RABGAP1L: variants seen among roughly 807,000 people sequenced by gnomAD.
RABGAP1L encodes rab GTPase-activating protein 1-like.
Under a neutral mutation model 137.7 loss-of-function variants are expected in RABGAP1L, and 63 were observed. The ratio of observed to expected loss-of-function variants is 0.46; its 90% confidence interval spans 0.37 to 0.56. The LOEUF (loss-of-function observed/expected upper bound fraction) is 0.56, where lower values mean the gene tolerates loss of function less well. RABGAP1L is among the 20% of genes least tolerant of loss of function. The pLI, the probability that RABGAP1L is intolerant of heterozygous loss-of-function variation, is 0.00. For synonymous variants in RABGAP1L, 431 were observed against 433.7 expected (o/e 0.99, Z 0.08); for missense variants, 1,095 against 1,244.0 (o/e 0.88, Z 1.80).
intron 13 of RABGAP1L, among the ~76,000 whole-genome samples, chr1:174,429,381 G>A (rs1652330629): frequency 1.3e-5 from 2 of 151,468 alleles, no homozygotes; most frequent in Non-Finnish European, 2.9e-5. Flanking sequence ...CTAGGTCTAA[G>A]GAAAATCCAT....
chr1:174,532,918 T>C (rs1664551969), intron 13 of RABGAP1L, among the ~76,000 whole-genome samples: 1 of 152,324 alleles, frequency 6.6e-6, no homozygotes, highest in South Asian at 2.1e-4. Context: ...TAAATATCCA[T>C]GTATCCACAA....
chr1:174,735,612 CAAAAAAAAAAAAAA>C (rs59281177), intron 17 of RABGAP1L, among the ~76,000 whole-genome samples: 3 of 46,134 alleles, frequency 6.5e-5, no homozygotes, highest in East Asian at 8.2e-4. Flanking sequence ...AACTCCATCT[CAAAAAAAAAAAAAA>C]AAAAAAAAAA....
chr1:174,457,859 T>A (rs376714830), intron 13 of RABGAP1L, among the ~76,000 whole-genome samples: 8 of 152,156 alleles, frequency 5.3e-5, no homozygotes, highest in East Asian at 3.8e-4. Flanking sequence ...TGTCTTGTGA[T>A]TACAAGTGAA....
intron 19 of RABGAP1L, among the ~76,000 whole-genome samples, chr1:174,916,664 G>A (rs1476818748): frequency 1.3e-5 from 2 of 152,130 alleles, no homozygotes; most frequent in Admixed American, 1.3e-4. Context: ...TGGTGGCTGC[G>A]TTGAAGTCAG....
chr1:174,383,819 A>G (rs929730245), intron 12 of RABGAP1L, among the ~76,000 whole-genome samples: 3 of 151,774 alleles, frequency 2.0e-5, no homozygotes, highest in Non-Finnish European at 2.9e-5. Context: ...CCTCCTCGCA[A>G]CTGCAACTCT....
chr1:174,800,080 C>T (rs766281085), intron 18 of RABGAP1L: 44 of 1,292,924 alleles, frequency 3.4e-5, no homozygotes, highest in Middle Eastern at 3.0e-4. Flanking sequence ...TTCTCGCATT[C>T]GATTGCTTTT....
At chr1:174,237,399 C>T (rs1335351682) in intron 4 of RABGAP1L, among the ~76,000 whole-genome samples, 57 of 70,354 alleles carry the variant, frequency 8.1e-4, no homozygotes, top group Middle Eastern at 4.4e-3. Flanking sequence ...GATTTTGCAG[C>T]GGCTGGTACC....
chr1:174,759,411 A>T (rs1184899740), intron 18 of RABGAP1L, among the ~76,000 whole-genome samples: 1 of 151,928 alleles, frequency 6.6e-6, no homozygotes, highest in African/African-American at 2.4e-5. Context: ...CCTGGCCAAC[A>T]TAGTGAAACC....
At chr1:174,349,916 C>A (rs1571344322) in intron 11 of RABGAP1L, among the ~76,000 whole-genome samples, 1 of 143,598 alleles carries the variant, frequency 7.0e-6, no homozygotes, top group Non-Finnish European at 1.6e-5. Flanking sequence ...GGGCTGACCC[C>A]CCCCCACCTC....
At chr1:174,438,531 A>G (rs912315897) in intron 13 of RABGAP1L, among the ~76,000 whole-genome samples, 19 of 151,708 alleles carry the variant, frequency 1.3e-4, no homozygotes, top group African/African-American at 4.1e-4. Context: ...CAGCCTGGTC[A>G]ACATAGTGAA....
intron 13 of RABGAP1L, among the ~76,000 whole-genome samples, chr1:174,554,074 G>A (rs890802463): frequency 6.6e-6 from 1 of 152,080 alleles, no homozygotes; most frequent in Non-Finnish European, 1.5e-5. Flanking sequence ...CAACTTTAAT[G>A]GCAACCTCAA....
At chr1:174,653,127 T>C (rs1238452445) in intron 14 of RABGAP1L, among the ~76,000 whole-genome samples, 1 of 152,118 alleles carries the variant, frequency 6.6e-6, no homozygotes, top group Non-Finnish European at 1.5e-5. Flanking sequence ...CCAGCCTCAG[T>C]AATGGTGGAC....
chr1:174,355,178 G>A (rs1043363369), intron 11 of RABGAP1L, among the ~76,000 whole-genome samples: 9 of 152,032 alleles, frequency 5.9e-5, no homozygotes, highest in Non-Finnish European at 8.8e-5. Context: ...GTTTATTGCG[G>A]CACTATTCAC....
intron 11 of RABGAP1L, among the ~76,000 whole-genome samples, chr1:174,369,814 A>G (rs914093598): frequency 6.6e-5 from 10 of 152,268 alleles, no homozygotes; most frequent in African/African-American, 2.4e-4. Flanking sequence ...TAACAGAATG[A>G]TGTTCACTTT....
chr1:174,833,392 G>GTA (rs1558126963), intron 19 of RABGAP1L, among the ~76,000 whole-genome samples: 100 of 58,000 alleles, frequency 1.7e-3, no homozygotes, highest in South Asian at 2.4e-3. Flanking sequence ...GTGTGTGTGT[G>GTA]TGTGTGTGTA....
chr1:174,699,155 G>A (rs1202798788), intron 15 of RABGAP1L, among the ~76,000 whole-genome samples: 2 of 151,872 alleles, frequency 1.3e-5, no homozygotes, highest in East Asian at 1.9e-4. Flanking sequence ...GCCACACTCG[G>A]CTAATTTTTT....
chr1:174,393,929 T>C, intron 12 of RABGAP1L, 66 bp from the exon 13 acceptor site: 1 of 1,546,602 alleles, frequency 6.5e-7, no homozygotes, highest in Admixed American at 1.9e-5. Context: ...TAGTATACTT[T>C]TCATGGCAAC....
chr1:174,917,898 A>G (rs1354364548), intron 19 of RABGAP1L, among the ~76,000 whole-genome samples: 1 of 148,558 alleles, frequency 6.7e-6, no homozygotes, highest in Non-Finnish European at 1.5e-5. Flanking sequence ...TGCCACTAGC[A>G]CTCCAGCCTG....
At chr1:174,377,469 G>C (rs1261407067) in intron 12 of RABGAP1L, among the ~76,000 whole-genome samples, 1 of 152,182 alleles carries the variant, frequency 6.6e-6, no homozygotes, top group Non-Finnish European at 1.5e-5. Flanking sequence ...CACTACAGTA[G>C]TCAAAAGAGT....
Sources: gnomAD v4.1 joint callset for allele counts (sites outside exome capture counted in the v4.1 genomes callset) on GRCh38, gnomAD v4.1.1 for gene constraint, MANE v1.5 for transcripts, NCBI Gene and HGNC (gene_info 2026-07-23, HGNC 2026-07-21) for gene names.